Variants in TRPM3 observed in about 807,000 individuals in gnomAD.
TRPM3 encodes long transient receptor potential channel 3.
A neutral mutation model predicts 181.2 loss-of-function variants in TRPM3; 77 were observed. The ratio of observed to expected loss-of-function variants is 0.42; its 90% CI spans 0.35 to 0.51. The LOEUF (loss-of-function observed/expected upper bound fraction) is 0.51, where lower values mean the gene tolerates loss of function less well. Among genes scored for constraint, TRPM3 ranks in the 20% least tolerant of loss-of-function variants. The pLI is 0.01. For synonymous variants in TRPM3, 745 were observed against 796.4 expected (o/e 0.94, Z 1.09); for missense variants, 1,759 against 2,196.7 (o/e 0.80, Z 3.98).
At chr9:71,420,729 GAGAGAGAA>G (rs2093725786) in intron 1 of TRPM3, among the ~76,000 whole-genome samples, 2 of 49,020 alleles carry the variant, frequency 4.1e-5, no homozygotes, top group African/African-American at 7.4e-5. Context: ...GAAAGAGAGA[GAGAGAGAA>G]AGAGAGAGAA....
At chr9:71,171,378 C>T (rs1854555) in intron 1 of TRPM3, among the ~76,000 whole-genome samples, 61,412 of 151,924 alleles carry the variant, frequency 0.4, 12,706 homozygotes, top group East Asian at 0.52. Context: ...TAAAAACTTG[C>T]TGGTTTTTGT....
intron 11 of TRPM3, among the ~76,000 whole-genome samples, chr9:70,635,520 C>T (rs748259270): frequency 4.3e-5 from 6 of 139,694 alleles, no homozygotes; most frequent in Non-Finnish European, 9.1e-5. Context: ...TGGAGTGCAA[C>T]GGCATAATCA....
At chr9:71,194,931 C>A (rs75429801) in intron 1 of TRPM3, among the ~76,000 whole-genome samples, 1 of 151,948 alleles carries the variant, frequency 6.6e-6, no homozygotes, top group Admixed American at 6.6e-5. Context: ...GAATCAATTT[C>A]TAAGTACGTC....
rs1016385393 is a variant in TRPM3, at chr9:71,196,163, G to A, written c.183+250490C>T. On this transcript the variant is annotated intron_variant, in intron 1 of 24. Transcript: ENST00000357533. ...TACGCATATATATATATACACACAC[G>A]TATATGTGTGTGTGTGTGTGTGTGT... is the stretch of plus-strand genomic sequence containing the variant. Among the ~76,000 whole-genome samples, 10 of 95,066 alleles carry A rather than the reference G, an allele frequency of 1.1e-4. No homozygotes were observed. The East Asian group carries it at 1.4e-3, about 13-fold the overall frequency. 62.4% of individuals were successfully genotyped at this position (95,066 alleles called of 152,430 possible).
intron 9 of TRPM3, among the ~76,000 whole-genome samples, chr9:70,654,976 T>C (rs1333638092): frequency 6.6e-6 from 1 of 150,726 alleles, no homozygotes; most frequent in Non-Finnish European, 1.5e-5. Flanking sequence ...AAGCACTCTG[T>C]AGGTTTTACG....
intron 1 of TRPM3, among the ~76,000 whole-genome samples, chr9:70,994,555 C>T (rs908285555): frequency 6.6e-6 from 1 of 151,946 alleles, no homozygotes; most frequent in Non-Finnish European, 1.5e-5. Flanking sequence ...TTTCCTGAAG[C>T]TGGCTCTGCC....
intron 6 of TRPM3, chr9:70,827,632 A>T (rs2093634406): frequency 2.0e-6 from 1 of 494,748 alleles, no homozygotes; most frequent in Admixed American, 3.3e-5. Context: ...CATGATACAT[A>T]AGCTGGAGTC....
intron 1 of TRPM3, among the ~76,000 whole-genome samples, chr9:71,322,714 T>C (rs1369258918): frequency 1.3e-5 from 2 of 152,154 alleles, no homozygotes; most frequent in South Asian, 4.1e-4. Context: ...AAAAGCATCA[T>C]ATAAACTAGT....
chr9:71,121,621 T>C lies in TRPM3; in HGVS notation c.-267A>G. On this transcript the variant is annotated 5_prime_UTR_variant, in exon 1 of 26. Coordinates refer to ENST00000677713, the MANE Select transcript of TRPM3 (RefSeq NM_001366145.2). ...GGAGTCAAAGCAGCCTGCTCCAGAA[T>C]GCGCGCTCCCTCTCCCGCTCTCCTC... 2 of 1,211,048 alleles carry C rather than the reference T, an allele frequency of 1.7e-6. No homozygotes were observed. The highest frequency in any genetic ancestry group is 2.1e-6 in the Non-Finnish European group (2 of 972,568). 75.0% of individuals were successfully genotyped at this position (1,211,048 alleles called of 1,614,324 possible). A position where few individuals can be genotyped will look rare whatever the true frequency, so the allele number is the denominator to read the frequency against.
chr9:70,651,462 C>T (rs749267656), intron 9 of TRPM3, among the ~76,000 whole-genome samples: 5 of 152,146 alleles, frequency 3.3e-5, no homozygotes, highest in Non-Finnish European at 5.9e-5. Flanking sequence ...GCTTATCTGA[C>T]GTGGCCCACT....
intron 1 of TRPM3, among the ~76,000 whole-genome samples, chr9:71,144,491 A>C (rs928203190): frequency 1.3e-5 from 2 of 152,148 alleles, no homozygotes; most frequent in African/African-American, 4.8e-5. Context: ...CCTTAAGATA[A>C]GAAGAATATC....
intron 1 of TRPM3, among the ~76,000 whole-genome samples, chr9:70,963,474 G>A (rs1234496070): frequency 6.6e-6 from 1 of 152,116 alleles, no homozygotes; most frequent in Non-Finnish European, 1.5e-5. Context: ...AGAGGAGAGA[G>A]GACTAGAGAT....
At chr9:71,439,428 A>G (rs1396160600) in intron 1 of TRPM3, among the ~76,000 whole-genome samples, 2 of 152,240 alleles carry the variant, frequency 1.3e-5, no homozygotes, top group East Asian at 3.8e-4. Context: ...AATGTTCATA[A>G]GTCATCCTGG....
chr9:71,321,913 A>C (rs2089259032), intron 1 of TRPM3, among the ~76,000 whole-genome samples: 1 of 152,124 alleles, frequency 6.6e-6, no homozygotes, highest in Non-Finnish European at 1.5e-5. Context: ...ATATGAGAAA[A>C]GTTTAAAAGC....
At chr9:71,314,548 A>C (rs565280497) in intron 1 of TRPM3, among the ~76,000 whole-genome samples, 1 of 152,252 alleles carries the variant, frequency 6.6e-6, no homozygotes, top group South Asian at 2.1e-4. Flanking sequence ...ATCCTCAGAG[A>C]AATCTGATGT....
chr9:71,342,614 G>C (rs1489794327), intron 1 of TRPM3, among the ~76,000 whole-genome samples: 1 of 152,002 alleles, frequency 6.6e-6, no homozygotes, highest in Non-Finnish European at 1.5e-5. Context: ...ATTCATTGCT[G>C]GTGAGAAAGT....
chr9:70,831,222 TGA>T (rs1258381096), intron 5 of TRPM3, among the ~76,000 whole-genome samples: 14 of 152,300 alleles, frequency 9.2e-5, no homozygotes, highest in Non-Finnish European at 8.8e-5. Flanking sequence ...TATTTTTGTT[TGA>T]GTTATAATTT....
At chr9:70,745,762 T>C (rs188388620) in intron 8 of TRPM3, among the ~76,000 whole-genome samples, 20 of 152,276 alleles carry the variant, frequency 1.3e-4, no homozygotes, top group Non-Finnish European at 5.9e-5. Flanking sequence ...GCTTGCTTCT[T>C]TCTTATCATC....
At chr9:70,867,350 T>C (rs1290075886) in intron 1 of TRPM3, among the ~76,000 whole-genome samples, 2 of 152,192 alleles carry the variant, frequency 1.3e-5, no homozygotes, top group Middle Eastern at 3.4e-3. Context: ...ATGGATCCCA[T>C]TGTTAACCTG....
Sources: gnomAD v4.1 joint callset for allele counts (sites outside exome capture counted in the v4.1 genomes callset) on GRCh38, gnomAD v4.1.1 for gene constraint, MANE v1.5 for transcripts, NCBI Gene and HGNC (gene_info 2026-07-23, HGNC 2026-07-21) for gene names.